The following FAT2 variants were observed in gnomAD, a reference collection of about 807,000 sequenced individuals.
FAT2 encodes FAT atypical cadherin 2.
FAT2 carries 150 observed loss-of-function variants against 295.3 expected under a neutral mutation model. That is an observed-to-expected ratio of 0.51 (90% CI 0.44 to 0.58). The LOEUF is 0.58. FAT2 is among the 20% of genes least tolerant of loss of function. The probability of loss-of-function intolerance (pLI) is 0.00; values close to 1 mark genes in which losing one functional copy is unlikely to be tolerated. For missense variants in FAT2, 4,868 were observed against 5,442.7 expected (o/e 0.89, Z 3.32); for synonymous variants, 2,026 against 2,150.3 (o/e 0.94, Z 1.60).
At position 151,531,524 on chromosome 5, in the gene FAT2, G is replaced by T. The variant is rs1476785396; in HGVS notation, c.9811+63C>A. ...CAGGGTAGATACCCACACAGGGGAG[G>T]AACCCAGCGCTCCCAGAAACCCTGT... On this transcript the variant is annotated intron_variant, in intron 14 of 23. Transcript: ENST00000261800. This position sits in a 1 kb window ranked among gnomAD's most constrained non-coding sequence, Gnocchi z 5.7. 1 of 1,594,508 alleles carries T rather than the reference G, an allele frequency of 6.3e-7. No homozygotes were observed. Among genetic ancestry groups the T allele is most frequent in the African/African-American group, 1.3e-5 (1 of 74,762 alleles).
intron 1 of FAT2, among the ~76,000 whole-genome samples, chr5:151,586,894 A>T (rs1180671126): frequency 6.6e-6 from 1 of 152,238 alleles, no homozygotes; most frequent in African/African-American, 2.4e-5. Context: ...TAATCCCAGC[A>T]CTTTGGGAGG....
At chr5:151,582,668 A>T (rs1759005534) in intron 1 of FAT2, among the ~76,000 whole-genome samples, 1 of 152,110 alleles carries the variant, frequency 6.6e-6, no homozygotes, top group African/African-American at 2.4e-5. Flanking sequence ...CTACGCCCTG[A>T]TGGAGAGGGG....
At chr5:151,516,434 T>C (rs1184598793) in intron 20 of FAT2, among the ~76,000 whole-genome samples, 2 of 152,132 alleles carry the variant, frequency 1.3e-5, no homozygotes, top group Middle Eastern at 3.2e-3. Flanking sequence ...AAGAATCACC[T>C]GAACCCAGGA....
At chr5:151,562,866 A>T (rs1758078068) in intron 3 of FAT2, among the ~76,000 whole-genome samples, 1 of 152,090 alleles carries the variant, frequency 6.6e-6, no homozygotes, top group South Asian at 2.1e-4. Context: ...ACATAAGTGG[A>T]TTCACATTGC....
upstream of FAT2, among the ~76,000 whole-genome samples, chr5:151,594,502 C>T (rs149928553): frequency 3.9e-5 from 6 of 152,356 alleles, no homozygotes; most frequent in East Asian, 9.7e-4. Flanking sequence ...TGGACCTCAG[C>T]GTCCCTCTTT....
rs780428993 is a variant in FAT2 at position 151,549,299 on chromosome 5, C to T, written c.4785G>A (p.Leu1595=). 6.2e-7 allele frequency: 1 copy of T among 1,612,666 alleles called. No homozygotes were observed. The highest frequency in any genetic ancestry group is 1.3e-5 in the African/African-American group (1 of 74,998). Residue 1595 remains leucine (L), a synonymous_variant, in exon 9 of 24, where the codon CTG becomes CTA. Coordinates refer to ENST00000261800, the MANE Select transcript of FAT2 (RefSeq NM_001447.3). ...GVNAEVHYSL[L]KGNSEGFFNI... is the part of the protein sequence containing the mutation. ...GCTCATGGCCAGGCCTCTCACCTTT[C>T]AGGAGGGAGTAGTGGACCTCAGCAT...
At chr5:151,557,484 TA>T (rs879679651) in intron 3 of FAT2, among the ~76,000 whole-genome samples, 3 of 151,998 alleles carry the variant, frequency 2.0e-5, no homozygotes, top group African/African-American at 4.8e-5. Context: ...GCAAGAGCTC[TA>T]GAAAGAGACT....
chr5:151,538,828 C>T (rs551196102), intron 11 of FAT2, among the ~76,000 whole-genome samples: 2 of 151,664 alleles, frequency 1.3e-5, no homozygotes, highest in East Asian at 3.9e-4. Flanking sequence ...AGGTGCGTGC[C>T]ACCACACCTG....
At position 151,556,344 on chromosome 5, in the gene FAT2, C is replaced by T. The variant is rs1757693269; in HGVS notation, c.3633G>A (p.Glu1211=). The T allele has an allele frequency of 6.2e-7, 1 of 1,613,270 alleles. No homozygotes were observed. The highest frequency in any genetic ancestry group is 8.5e-7 in the Non-Finnish European group (1 of 1,179,228). Residue 1211 remains glutamate, a splice_region_variant and synonymous_variant, in exon 4 of 24, where the codon GAG becomes GAA. Transcript: ENST00000261800. The part of the protein sequence containing the change: ...DRENKDEHIL[E]VTVLDNGEPS... The stretch of plus-strand genomic sequence containing the variant: ...AAATGGATTCACCACCATTACTTAC[C>T]TCCAGGATGTGTTCATCCTTGTTCT...
rs751682291 is a variant in FAT2, at chr5:151,544,164, G to A, written c.6963C>T (p.Phe2321=). 1.3e-5 allele frequency: 21 copies of A among 1,614,088 alleles called. No individual in the cohort carries two copies. The highest frequency in any genetic ancestry group is 5.1e-6 in the Non-Finnish European group (6 of 1,180,036). The change falls in exon 10 of 24, where the codon TTC becomes TTT. Residue 2321 remains phenylalanine (F), a synonymous_variant. Transcript: ENST00000261800. ...CCCCTGTGCTCCCATTGATCTGGAAGAACTTGGAAACATCTGAGCCATCCT... is the reference window on the plus strand; with the variant it reads ...CCCCTGTGCTCCCATTGATCTGGAAAAACTTGGAAACATCTGAGCCATCCT... ...IVEDGSDVSK[F]FQINGSTGEM...
chr5:151,579,930 T>C (rs1444581453), intron 1 of FAT2, among the ~76,000 whole-genome samples: 1 of 152,180 alleles, frequency 6.6e-6, no homozygotes, highest in Non-Finnish European at 1.5e-5. Flanking sequence ...CCTGCTATAA[T>C]AGATGTGAGA....
At chr5:151,520,564 T>C (rs1036742222) in intron 19 of FAT2, among the ~76,000 whole-genome samples, 2 of 152,222 alleles carry the variant, frequency 1.3e-5, no homozygotes, top group African/African-American at 4.8e-5. Flanking sequence ...TCACCGTTGA[T>C]CTGGGGCTTA....
chr5:151,573,410 C>T (rs1043730332), intron 1 of FAT2, among the ~76,000 whole-genome samples: 2 of 152,158 alleles, frequency 1.3e-5, no homozygotes. Flanking sequence ...GATCTCAGGA[C>T]TTTGGGAGGC....
rs1758235833 is a variant in FAT2 at position 151,565,910 on chromosome 5, G to A, written c.3022C>T (p.Leu1008=). ...SLWASDGGRP[L]ARRTLCHVEV... is the part of the protein sequence containing the mutation. ...ACATGGCAGAGAGTCCTGCGGGCTA[G>A]GGGCCTCCCACCATCACTGGCCCAC... The change falls in exon 2 of 24, where the codon CTA becomes TTA. Residue 1008 remains leucine, a synonymous_variant. Coordinates refer to ENST00000261800, the MANE Select transcript of FAT2 (RefSeq NM_001447.3). 6.2e-7 allele frequency: 1 copy of A among 1,613,980 alleles called. No individual in the cohort carries two copies. The highest frequency in any genetic ancestry group is 8.5e-7 in the Non-Finnish European group (1 of 1,180,008).
At position 151,521,401 on chromosome 5, in the gene FAT2, G is replaced by A. The variant is rs181781169; in HGVS notation, c.11192C>T (p.Thr3731Ile). The change falls in exon 19 of 24, where the codon ACC becomes ATC. Residue 3731 changes from threonine (T) to isoleucine (I), a missense_variant. Physicochemically the swap from Thr to Ile is moderately conservative, Grantham distance 89. Coordinates refer to ENST00000261800, the MANE Select transcript of FAT2 (RefSeq NM_001447.3). ...GTTATGGCAGATTTGACCCTGGCAG[G>A]TTGGCCCCTGGCAGGGCACCATGGG... Reference protein sequence around the residue: ...AMPMVPCQGPTCQGQICHNTV... With the variant: ...AMPMVPCQGPICQGQICHNTV... 1.1e-5 allele frequency: 18 copies of A among 1,614,216 alleles called. No homozygotes were observed. The East Asian group carries it at 3.6e-4, about 32-fold the overall frequency.
In FAT2 at chr5:151,531,069, C is replaced by A. The variant is rs539337344; in HGVS notation, c.9811+518G>T. On this transcript the variant is annotated intron_variant, in intron 14 of 23. Transcript: ENST00000261800. This position sits in a 1 kb window ranked among gnomAD's most constrained non-coding sequence, Gnocchi z 5.7. ...AGTTTCTGTGAACCTGACTTTGAGT[C>A]TTCTGTGGCTAGTAGGAAAGAAGTG... Among the ~76,000 whole-genome samples the A allele has an allele frequency of 1.3e-5, 2 of 152,130 alleles. No homozygotes were observed. Among genetic ancestry groups the A allele is most frequent in the African/African-American group, 4.8e-5 (2 of 41,438 alleles).
chr5:151,523,479 G>A (rs1176277927), intron 18 of FAT2, among the ~76,000 whole-genome samples: 1 of 152,184 alleles, frequency 6.6e-6, no homozygotes, highest in East Asian at 1.9e-4. Context: ...AGCAGATAAG[G>A]CCTGAGCAGA....
chr5:151,517,899 T>G, intron 19 of FAT2, 134 bp from the exon 20 acceptor site: 1 of 1,117,348 alleles, frequency 8.9e-7, no homozygotes, highest in Non-Finnish European at 1.3e-6. Context: ...GAAACTAGGC[T>G]GGGTGTGGGG....
At chr5:151,534,270 T>G (rs1561837956) in intron 13 of FAT2, 139 bp downstream of exon 13, 1 of 601,592 alleles carries the variant, frequency 1.7e-6, no homozygotes, top group Non-Finnish European at 2.9e-6. Context: ...GGATAAATAC[T>G]TTTTACTTTT....
Sources: gnomAD v4.1 joint callset for allele counts (sites outside exome capture counted in the v4.1 genomes callset) on GRCh38, gnomAD v4.1.1 for gene constraint, Gnocchi (gnomAD v3.1) non-coding constraint, MANE v1.5 for transcripts, NCBI Gene and HGNC (gene_info 2026-07-23, HGNC 2026-07-21) for gene names.